The following ANKS1B variants were observed in gnomAD, a reference collection of about 807,000 sequenced individuals.
ANKS1B encodes ankyrin repeat and sterile alpha motif domain-containing protein 1B.
A neutral mutation model predicts 148.3 loss-of-function variants in ANKS1B; 36 were observed. The observed-to-expected ratio is 0.24, with a 90% CI of 0.19 to 0.32. ANKS1B has a LOEUF of 0.32. ANKS1B is among the 10% of genes least tolerant of loss of function. The pLI, the probability that ANKS1B is intolerant of heterozygous loss-of-function variation, is 1.00. For synonymous variants in ANKS1B, 542 were observed against 560.8 expected, an observed-to-expected ratio of 0.97 and a Z score of 0.47; for missense variants, 1,157 against 1,542.6, an observed-to-expected ratio of 0.75 and a Z score of 4.19.
chr12:99,551,419 A>G (rs2097216264), intron 9 of ANKS1B, among the ~76,000 whole-genome samples: 1 of 151,896 alleles, frequency 6.6e-6, no homozygotes, highest in Non-Finnish European at 1.5e-5. Context: ...ACATTGAACT[A>G]TGGAACTATG....
chr12:98,791,330 C>CAAA (rs557408637), intron 22 of ANKS1B, among the ~76,000 whole-genome samples: 1 of 118,232 alleles, frequency 8.5e-6, no homozygotes, highest in African/African-American at 3.3e-5. Flanking sequence ...GGGAGACAGT[C>CAAA]AAAAAAAAAA....
At chr12:99,451,249 ATAGTT>A (rs1290708711) in intron 10 of ANKS1B, among the ~76,000 whole-genome samples, 3 of 152,224 alleles carry the variant, frequency 2.0e-5, no homozygotes, top group Non-Finnish European at 4.4e-5. Flanking sequence ...AAAAATACTT[ATAGTT>A]TATTTTATCT....
intron 8 of ANKS1B, among the ~76,000 whole-genome samples, chr12:99,673,429 T>A (rs1408486281): frequency 6.6e-6 from 1 of 151,972 alleles, no homozygotes; most frequent in Non-Finnish European, 1.5e-5. Flanking sequence ...ACAAAGAAAA[T>A]TTAAAAATCC....
chr12:99,784,752 G>C (rs1196369155), intron 4 of ANKS1B, among the ~76,000 whole-genome samples: 1 of 152,192 alleles, frequency 6.6e-6, no homozygotes, highest in Non-Finnish European at 1.5e-5. Context: ...TAGGTCTAAA[G>C]AGTATGCTTT....
At chr12:99,732,475 A>G (rs989826202) in intron 8 of ANKS1B, among the ~76,000 whole-genome samples, 1 of 152,192 alleles carries the variant, frequency 6.6e-6, no homozygotes, top group Non-Finnish European at 1.5e-5. Flanking sequence ...GAATGAAAAT[A>G]TCAGTGAAAG....
intron 8 of ANKS1B, among the ~76,000 whole-genome samples, chr12:99,744,991 CAAAAAAAAAAAAAAA>C (rs55904412): frequency 1.9e-5 from 1 of 52,082 alleles, no homozygotes; most frequent in African/African-American, 8.8e-5. Context: ...GACTCTGTCT[CAAAAAAAAAAAAAAA>C]AAAAAAAAAA....
chr12:99,075,842 G>T (rs1014617725), intron 16 of ANKS1B, among the ~76,000 whole-genome samples: 6 of 141,400 alleles, frequency 4.2e-5, no homozygotes, highest in African/African-American at 1.3e-4. Context: ...TATAATATAT[G>T]TTTTATATTA....
intron 14 of ANKS1B, among the ~76,000 whole-genome samples, chr12:99,176,156 T>C (rs1243931488): frequency 6.6e-6 from 1 of 152,140 alleles, no homozygotes; most frequent in African/African-American, 2.4e-5. Context: ...GCCTGTGTTT[T>C]ATTTTTTTAG....
intron 11 of ANKS1B, among the ~76,000 whole-genome samples, chr12:99,428,047 T>C (rs150171584): frequency 4.8e-4 from 73 of 152,218 alleles, no homozygotes; most frequent in African/African-American, 1.6e-3. Flanking sequence ...AGGTAGGAAA[T>C]CCTAAAGGAT....
chr12:99,648,765 G>A, intron 9 of ANKS1B: 1 of 1,612,434 alleles, frequency 6.2e-7, no homozygotes, highest in Middle Eastern at 1.8e-4. Context: ...CATCTGTGTT[G>A]GAGGAAGTGC....
chr12:99,803,067 G>T (rs2067153043), intron 4 of ANKS1B, among the ~76,000 whole-genome samples: 1 of 151,864 alleles, frequency 6.6e-6, no homozygotes. Context: ...TACCAAATGG[G>T]ATTACTTTTA....
At chr12:99,914,961 C>T (rs2094124860) in intron 1 of ANKS1B, among the ~76,000 whole-genome samples, 1 of 152,110 alleles carries the variant, frequency 6.6e-6, no homozygotes, top group South Asian at 2.1e-4. Flanking sequence ...CGCAGTGGCT[C>T]ACACCTGTAA....
intron 17 of ANKS1B, among the ~76,000 whole-genome samples, chr12:98,892,285 C>T (rs1309876071): frequency 6.6e-6 from 1 of 152,140 alleles, no homozygotes; most frequent in African/African-American, 2.4e-5. Flanking sequence ...AAACCTACTT[C>T]GAAACACACG....
chr12:99,616,146 C>T (rs963133023), intron 9 of ANKS1B, among the ~76,000 whole-genome samples: 3 of 152,088 alleles, frequency 2.0e-5, no homozygotes, highest in African/African-American at 4.8e-5. Flanking sequence ...AGAGAGGACA[C>T]AAACAAATGG....
At chr12:99,972,734 C>G (rs1424940632) in intron 1 of ANKS1B, among the ~76,000 whole-genome samples, 1 of 152,204 alleles carries the variant, frequency 6.6e-6, no homozygotes, top group African/African-American at 2.4e-5. Context: ...CTACACTAAA[C>G]AACAAAATTT....
chr12:99,125,105 T>C (rs1467519273), intron 15 of ANKS1B, among the ~76,000 whole-genome samples: 3 of 152,194 alleles, frequency 2.0e-5, no homozygotes, highest in Non-Finnish European at 4.4e-5. Context: ...TGAGGACTTA[T>C]TGTGACATGT....
At position 99,832,292 on chromosome 12, in the gene ANKS1B, T is replaced by C. The variant is rs80196952; in HGVS notation, c.135-6903A>G. On this transcript the variant is annotated intron_variant, in intron 1 of 26. Coordinates refer to ENST00000683438, the MANE Select transcript of ANKS1B (RefSeq NM_001352186.2). ...AATATACACTGTAGAATTTTAATAG[T>C]ATAAAAGAGAAAGGGTCTGGAATGG... Among the ~76,000 whole-genome samples the C allele has an allele frequency of 1.7e-3, 257 of 152,088 alleles. 8 individuals are homozygous for C. In the East Asian group the frequency reaches 0.041, roughly 25 times the overall value.
At chr12:99,825,825 T>C (rs1192793037) in intron 1 of ANKS1B, among the ~76,000 whole-genome samples, 5 of 152,190 alleles carry the variant, frequency 3.3e-5, no homozygotes, top group African/African-American at 1.2e-4. Flanking sequence ...TATTTTTGCA[T>C]TGTGGGAAGA....
intron 14 of ANKS1B, among the ~76,000 whole-genome samples, chr12:99,234,523 T>C (rs951200907): frequency 6.6e-6 from 1 of 152,180 alleles, no homozygotes; most frequent in African/African-American, 2.4e-5. Context: ...GGCTTACGTG[T>C]ATTTATTTTG....
Sources: allele counts gnomAD v4.1 joint callset (sites outside exome capture counted in the v4.1 genomes callset), GRCh38; gene constraint gnomAD v4.1.1; transcripts MANE v1.5; gene names NCBI Gene and HGNC (gene_info 2026-07-23, HGNC 2026-07-21).